TP63: variants seen among roughly 807,000 people sequenced by gnomAD.
TP63 encodes tumor protein p63.
In TP63, 17 loss-of-function variants were observed where a neutral mutation model predicts 82.8. The ratio of observed to expected loss-of-function variants is 0.21; its 90% confidence interval spans 0.14 to 0.31. The LOEUF (loss-of-function observed/expected upper bound fraction) is 0.31, where lower values mean the gene tolerates loss of function less well. Among genes scored for constraint, TP63 ranks in the 10% least tolerant of loss-of-function variants. The probability of loss-of-function intolerance (pLI) is 1.00; values close to 1 mark genes in which losing one functional copy is unlikely to be tolerated. For synonymous variants in TP63, 330 were observed against 321.7 expected (o/e 1.03, Z -0.28); for missense variants, 648 against 895.3 (o/e 0.72, Z 3.52).
intron 4 of TP63, among the ~76,000 whole-genome samples, chr3:189,815,221 T>C (rs1728048645): frequency 6.6e-6 from 1 of 152,096 alleles, no homozygotes; most frequent in Non-Finnish European, 1.5e-5. Flanking sequence ...TCTCCATAAA[T>C]TAATATGGAG....
In TP63 at chr3:189,894,283, C is replaced by T. The variant is rs755722537; in HGVS notation, c.1824C>T (p.His608=). Residue 608 remains histidine (H), a synonymous_variant, in exon 14 of 14, where the codon CAC becomes CAT. Transcript: ENST00000264731. ...WKGILDHRQL[H]EFSSPSHLLR... is the part of the protein sequence containing the mutation. ...GCATCCTGGACCACCGGCAGCTCCA[C>T]GAATTCTCCTCCCCTTCTCATCTCC... The T allele has an allele frequency of 9.3e-6, 15 of 1,613,990 alleles. No homozygotes were observed. The highest frequency in any genetic ancestry group is 1.3e-5 in the African/African-American group (1 of 74,898).
At chr3:189,871,922 C>T (rs185888744) in intron 9 of TP63, among the ~76,000 whole-genome samples, 2 of 152,102 alleles carry the variant, frequency 1.3e-5, no homozygotes, top group Admixed American at 6.5e-5. Flanking sequence ...AGTTTTTTTC[C>T]CAGGGTGGTC....
At position 189,894,409 on chromosome 3, in the gene TP63, C is replaced by G. The variant is rs1023563516; in HGVS notation, c.1950C>G (p.Ile650Met). The G allele has an allele frequency of 2.5e-6, 4 of 1,613,992 alleles. No individual in the cohort carries two copies. Among genetic ancestry groups the G allele is most frequent in the African/African-American group, 1.3e-5 (1 of 74,902 alleles). ...TGCGATTCACCCTCCGCCAGACCAT[C>G]TCTTTCCCACCCCGAGATGAGTGGA... ...DAVRFTLRQT[I>M]SFPPRDEWND... Residue 650 changes from isoleucine (I) to methionine (M), a missense_variant, in exon 14 of 14, where the codon ATC becomes ATG. Ile to Met is a conservative substitution (Grantham distance 10). This residue lies in a region of TP63 where 342 missense variants were observed against 425.7 expected (regional missense o/e 0.80). Transcript: ENST00000264731.
At chr3:189,867,766 A>G in intron 6 of TP63, 67 bp from the exon 7 acceptor site, 1 of 1,382,656 alleles carries the variant, frequency 7.2e-7, no homozygotes, top group South Asian at 1.2e-5. Flanking sequence ...AATAGAGGGA[A>G]GAACTGAGAA....
intron 1 of TP63, among the ~76,000 whole-genome samples, chr3:189,680,057 C>CA (rs1270050747): frequency 1.3e-5 from 2 of 152,146 alleles, no homozygotes; most frequent in African/African-American, 4.8e-5. Context: ...TTTTCTTGCT[C>CA]AAAATCACTT....
At chr3:189,851,371 G>A (rs950789906) in intron 4 of TP63, among the ~76,000 whole-genome samples, 8 of 152,078 alleles carry the variant, frequency 5.3e-5, no homozygotes, top group Non-Finnish European at 1.0e-4. Flanking sequence ...ACCAGCCTGG[G>A]CAACATGGGG....
intron 3 of TP63, among the ~76,000 whole-genome samples, chr3:189,781,846 C>T (rs1396761962): frequency 6.6e-6 from 1 of 152,148 alleles, no homozygotes; most frequent in African/African-American, 2.4e-5. Flanking sequence ...AAGGAGCAGA[C>T]ATCTGATGTA....
chr3:189,745,130 GA>G (rs749900149), intron 3 of TP63, among the ~76,000 whole-genome samples: 5 of 152,070 alleles, frequency 3.3e-5, no homozygotes, highest in African/African-American at 4.8e-5. Flanking sequence ...CCTCTTCTAT[GA>G]AAGCAAATTC....
At chr3:189,886,255 C>T in intron 10 of TP63, 139 bp from the exon 11 acceptor site, 1 of 982,670 alleles carries the variant, frequency 1.0e-6, no homozygotes. Context: ...ACAAAATTAA[C>T]TTCTTACCAT....
chr3:189,834,928 T>C (rs1712910127), intron 4 of TP63, among the ~76,000 whole-genome samples: 1 of 149,954 alleles, frequency 6.7e-6, no homozygotes, highest in Non-Finnish European at 1.5e-5. Context: ...AAACGGTACA[T>C]TTTTTCTAAG....
At chr3:189,769,924 A>T (rs1723209432) in intron 3 of TP63, among the ~76,000 whole-genome samples, 1 of 152,244 alleles carries the variant, frequency 6.6e-6, no homozygotes, top group African/African-American at 2.4e-5. Context: ...GTTACCATTG[A>T]TTATATTCCA....
intron 1 of TP63, among the ~76,000 whole-genome samples, chr3:189,635,207 A>G (rs577053275): frequency 6.6e-6 from 1 of 152,192 alleles, no homozygotes; most frequent in African/African-American, 2.4e-5. Context: ...GATAATATGA[A>G]GTGTGTTTTT....
intron 3 of TP63, among the ~76,000 whole-genome samples, chr3:189,798,185 G>A (rs949844733): frequency 6.6e-6 from 1 of 151,988 alleles, no homozygotes; most frequent in Non-Finnish European, 1.5e-5. Context: ...ATGGTGTATT[G>A]TATATACTTA....
intron 1 of TP63, among the ~76,000 whole-genome samples, chr3:189,672,330 G>T (rs1274480938): frequency 6.6e-6 from 1 of 152,116 alleles, no homozygotes; most frequent in African/African-American, 2.4e-5. Flanking sequence ...GCTGGGTGCA[G>T]TGGCTGCCAC....
chr3:189,720,325 T>C (rs965267819), intron 1 of TP63, among the ~76,000 whole-genome samples: 1 of 152,198 alleles, frequency 6.6e-6, no homozygotes, highest in African/African-American at 2.4e-5. Flanking sequence ...TTAAATATTA[T>C]TTTTATTATC....
intron 1 of TP63, among the ~76,000 whole-genome samples, chr3:189,635,431 T>C (rs1729713829): frequency 6.6e-6 from 1 of 152,100 alleles, no homozygotes; most frequent in South Asian, 2.1e-4. Context: ...CTGCTCTTTT[T>C]CTTTCTCATT....
intron 3 of TP63, among the ~76,000 whole-genome samples, chr3:189,805,750 T>C (rs1342323675): frequency 6.6e-6 from 1 of 152,170 alleles, no homozygotes; most frequent in Non-Finnish European, 1.5e-5. Context: ...TATTTTGAGG[T>C]CCTGCTGATT....
At chr3:189,888,147 C>T (rs1302797783) in intron 11 of TP63, among the ~76,000 whole-genome samples, 1 of 152,080 alleles carries the variant, frequency 6.6e-6, no homozygotes, top group African/African-American at 2.4e-5. Flanking sequence ...CGTGAGCCAC[C>T]GCGCCTGGCC....
At chr3:189,671,883 T>C (rs575717650) in intron 1 of TP63, among the ~76,000 whole-genome samples, 118 of 152,080 alleles carry the variant, frequency 7.8e-4, no homozygotes, top group Non-Finnish European at 7.5e-4. Context: ...TATCAGAGGC[T>C]GGGAAGGGTA....
Sources: gnomAD v4.1 joint callset for allele counts (sites outside exome capture counted in the v4.1 genomes callset) on GRCh38, gnomAD v4.1.1 for gene constraint, gnomAD v4.1.1 regional missense constraint, MANE v1.5 for transcripts, NCBI Gene and HGNC (gene_info 2026-07-23, HGNC 2026-07-21) for gene names.